The following CCSER1 variants were observed in gnomAD, a reference collection of about 807,000 sequenced individuals.
The protein encoded by CCSER1 is coiled-coil serine rich protein 1, also known as serine-rich coiled-coil domain-containing protein 1.
CCSER1 carries 41 observed loss-of-function variants against 82.0 expected under a neutral mutation model. That is an observed-to-expected ratio of 0.50 (90% CI 0.39 to 0.65). CCSER1 has a LOEUF of 0.65. Among genes scored for constraint, CCSER1 ranks in the 30% least tolerant of loss-of-function variants. The pLI, the probability that CCSER1 is intolerant of heterozygous loss-of-function variation, is 0.00. For synonymous variants in CCSER1, 414 were observed against 383.9 expected (o/e 1.08, Z -0.92); for missense variants, 1,119 against 1,064.2 (o/e 1.05, Z -0.72).
At chr4:91,052,943 AGT>A (rs1743133800) in intron 9 of CCSER1, among the ~76,000 whole-genome samples, 1 of 152,118 alleles carries the variant, frequency 6.6e-6, no homozygotes, top group Non-Finnish European at 1.5e-5. Flanking sequence ...AAGTATTTAA[AGT>A]GTAGTAAATT....
At chr4:91,381,229 G>A (rs951970900) in intron 10 of CCSER1, among the ~76,000 whole-genome samples, 8 of 151,916 alleles carry the variant, frequency 5.3e-5, no homozygotes, top group Middle Eastern at 3.2e-3. Context: ...TGTGTCTTGG[G>A]GTTGCTCTTC....
rs190837153 is a variant in CCSER1 at position 91,604,695 on chromosome 4, A to T, written c.*5638A>T. 6.6e-6 allele frequency: 1 copy of T among 152,184 alleles called. No homozygotes were observed. The highest frequency in any genetic ancestry group is 1.9e-4 in the East Asian group (1 of 5,186). 9.4% of individuals were successfully genotyped at this position (152,184 alleles called of 1,614,324 possible). A position where few individuals can be genotyped will look rare whatever the true frequency, so the allele number is the denominator to read the frequency against. ...GCCTTATACATACTTAAAAAACAAG[A>T]TATTTACAAAAATATTTTAGATATT... is the stretch of plus-strand genomic sequence containing the variant. On this transcript the variant is annotated 3_prime_UTR_variant, in exon 11 of 11. Coordinates refer to ENST00000509176, the MANE Select transcript of CCSER1 (RefSeq NM_001145065.2).
At chr4:91,280,988 G>A (rs1742870900) in intron 10 of CCSER1, among the ~76,000 whole-genome samples, 3 of 152,260 alleles carry the variant, frequency 2.0e-5, no homozygotes, top group Middle Eastern at 3.4e-3. Flanking sequence ...ATGAAGCAAT[G>A]TCATTGGGTG....
At chr4:91,250,161 C>T (rs191381704) in intron 10 of CCSER1, among the ~76,000 whole-genome samples, 245 of 152,172 alleles carry the variant, frequency 1.6e-3, no homozygotes, top group African/African-American at 5.7e-3. Context: ...GTTGCCCACA[C>T]CTTTCACACA....
chr4:90,989,552 A>C (rs1736848559), intron 9 of CCSER1, among the ~76,000 whole-genome samples: 1 of 151,834 alleles, frequency 6.6e-6, no homozygotes, highest in African/African-American at 2.4e-5. Context: ...GAATGCCTGA[A>C]GGGATTTCTA....
rs140122081 is a variant in CCSER1 at position 90,389,788 on chromosome 4, T to C, written c.1510-10248T>C. Among the ~76,000 whole-genome samples the C allele has an allele frequency of 6.4e-3, 977 of 152,294 alleles. 13 individuals are homozygous for C. Among genetic ancestry groups the C allele is most frequent in the African/African-American group, 0.022 (933 of 41,550 alleles). On this transcript the variant is annotated intron_variant, in intron 3 of 10. Transcript: ENST00000509176. Reference sequence around the variant, plus strand: ...TCTGTTCTGTGAGTCCAGCACATGCTGAACATAAAAACAAGTATTTTTTAA... The same window carrying C: ...TCTGTTCTGTGAGTCCAGCACATGCCGAACATAAAAACAAGTATTTTTTAA...
chr4:91,552,666 G>A (rs1255869278), intron 10 of CCSER1, among the ~76,000 whole-genome samples: 1 of 151,574 alleles, frequency 6.6e-6, no homozygotes, highest in African/African-American at 2.4e-5. Context: ...AAGGCTGACT[G>A]TGGATTTAGC....
chr4:91,332,270 TTTC>T (rs1747009479), intron 10 of CCSER1, among the ~76,000 whole-genome samples: 1 of 151,934 alleles, frequency 6.6e-6, no homozygotes. Flanking sequence ...AAAATATAAT[TTTC>T]TTCTTTTAAT....
chr4:91,278,433 G>C (rs890589252), intron 10 of CCSER1, among the ~76,000 whole-genome samples: 37 of 152,186 alleles, frequency 2.4e-4, no homozygotes, highest in African/African-American at 8.7e-4. Flanking sequence ...ATTATATAAT[G>C]AGCCTTTTTG....
intron 1 of CCSER1, among the ~76,000 whole-genome samples, chr4:90,277,820 A>C (rs1310231215): frequency 6.6e-6 from 1 of 152,172 alleles, no homozygotes; most frequent in Non-Finnish European, 1.5e-5. Flanking sequence ...CAACAGCAAA[A>C]AAATTGACAA....
chr4:91,109,959 A>G (rs1725951695), intron 10 of CCSER1, among the ~76,000 whole-genome samples: 1 of 152,196 alleles, frequency 6.6e-6, no homozygotes, highest in Non-Finnish European at 1.5e-5. Flanking sequence ...ATTATATAAT[A>G]GAAGGCAGGA....
At chr4:91,555,964 C>A (rs1196285996) in intron 10 of CCSER1, among the ~76,000 whole-genome samples, 2 of 151,018 alleles carry the variant, frequency 1.3e-5, no homozygotes, top group Admixed American at 6.6e-5. Context: ...AACGGTCAAA[C>A]CCTTAATTAC....
chr4:90,990,430 C>A (rs1007869471), intron 9 of CCSER1, among the ~76,000 whole-genome samples: 1 of 151,992 alleles, frequency 6.6e-6, no homozygotes, highest in Admixed American at 6.6e-5. Context: ...CTTCCTTGAT[C>A]TGGATATTAT....
At chr4:90,692,705 T>TAAGTA (rs57181833) in intron 6 of CCSER1, among the ~76,000 whole-genome samples, 11 of 151,654 alleles carry the variant, frequency 7.3e-5, no homozygotes, top group Non-Finnish European at 4.4e-5. Context: ...ATGAACACAT[T>TAAGTA]AATCAAAATA....
At chr4:90,708,530 C>G (rs1193052781) in intron 6 of CCSER1, among the ~76,000 whole-genome samples, 5 of 152,144 alleles carry the variant, frequency 3.3e-5, no homozygotes, top group Non-Finnish European at 7.3e-5. Flanking sequence ...TACCCATCCT[C>G]AGAACTTCCA....
At chr4:91,105,411 A>C (rs34592079) in intron 10 of CCSER1, among the ~76,000 whole-genome samples, 98,169 of 151,084 alleles carry the variant, frequency 0.65, 32,257 homozygotes, top group East Asian at 0.95. Context: ...GTAAACAAAA[A>C]AAAAAAAAAA....
intron 5 of CCSER1, among the ~76,000 whole-genome samples, chr4:90,477,209 A>G (rs1213102821): frequency 6.6e-6 from 1 of 152,218 alleles, no homozygotes; most frequent in Non-Finnish European, 1.5e-5. Flanking sequence ...ATATAATCCA[A>G]TATTGATTTT....
chr4:91,092,208 G>T (rs1416568429), intron 10 of CCSER1, among the ~76,000 whole-genome samples: 1 of 152,178 alleles, frequency 6.6e-6, no homozygotes, highest in Non-Finnish European at 1.5e-5. Flanking sequence ...TAGCTTCCAA[G>T]TGAGTCCCAA....
At chr4:90,331,613 A>G (rs1018831794) in intron 3 of CCSER1, among the ~76,000 whole-genome samples, 2 of 152,216 alleles carry the variant, frequency 1.3e-5, no homozygotes, top group Admixed American at 1.3e-4. Flanking sequence ...TCTGGATTCT[A>G]TTACAGATCT....
Sources: gnomAD v4.1 joint callset for allele counts (sites outside exome capture counted in the v4.1 genomes callset) on GRCh38, gnomAD v4.1.1 for gene constraint, MANE v1.5 for transcripts, NCBI Gene and HGNC (gene_info 2026-07-23, HGNC 2026-07-21) for gene names.